Variants in AP1AR observed in about 807,000 individuals in gnomAD.
AP1AR encodes AP-1 complex-associated regulatory protein.
AP1AR carries 29 observed loss-of-function variants against 46.3 expected under a neutral mutation model. The ratio of observed to expected loss-of-function variants is 0.63; its 90% confidence interval spans 0.47 to 0.85. AP1AR has a LOEUF of 0.85. Among genes scored for constraint, AP1AR ranks in the 40% least tolerant of loss-of-function variants. AP1AR has a pLI of 0.00. For missense variants in AP1AR, 357 were observed against 356.3 expected, an observed-to-expected ratio of 1.00 and a Z score of -0.02; for synonymous variants, 122 against 122.9, an observed-to-expected ratio of 0.99 and a Z score of 0.05.
At chr4:112,253,164 A>G (rs758538448) in intron 1 of AP1AR, 44 bp from the exon 2 acceptor site, 1 of 1,449,106 alleles carries the variant, frequency 6.9e-7, no homozygotes, top group South Asian at 1.2e-5. Flanking sequence ...ATTCAATCTT[A>G]GAGTTAATTG....
chr4:112,267,787 G>A (rs752923383), intron 9 of AP1AR, among the ~76,000 whole-genome samples: 2 of 151,966 alleles, frequency 1.3e-5, no homozygotes. Context: ...ATGAAATTAT[G>A]TGGGTAGGAA....
At chr4:112,265,101 T>C (rs1726621501) in intron 7 of AP1AR, 34 bp downstream of exon 7, 1 of 1,539,058 alleles carries the variant, frequency 6.5e-7, no homozygotes, top group East Asian at 2.3e-5. Flanking sequence ...CTTCCCTTTG[T>C]GGTAGAACAT....
At chr4:112,255,632 A>G (rs1305214332) in intron 3 of AP1AR, among the ~76,000 whole-genome samples, 1 of 152,166 alleles carries the variant, frequency 6.6e-6, no homozygotes, top group African/African-American at 2.4e-5. Flanking sequence ...TGTTTATTCT[A>G]CAGTTTCTGA....
At chr4:112,259,451 T>C (rs1430238341) in intron 4 of AP1AR, among the ~76,000 whole-genome samples, 2 of 152,190 alleles carry the variant, frequency 1.3e-5, no homozygotes, top group African/African-American at 4.8e-5. Flanking sequence ...CTTAGAGGGT[T>C]GTTGTGAGGA....
chr4:112,260,076 A>G (rs929897256), intron 4 of AP1AR, among the ~76,000 whole-genome samples: 2 of 152,208 alleles, frequency 1.3e-5, no homozygotes, highest in African/African-American at 4.8e-5. Flanking sequence ...CCGAGTGCCA[A>G]ATTGATGTCA....
chr4:112,236,260 C>T (rs1312198636), intron 1 of AP1AR, among the ~76,000 whole-genome samples: 1 of 152,000 alleles, frequency 6.6e-6, no homozygotes, highest in Non-Finnish European at 1.5e-5. Context: ...AGACTACTCT[C>T]TCTATTGTAG....
intron 3 of AP1AR, among the ~76,000 whole-genome samples, chr4:112,255,816 G>A (rs1390082568): frequency 6.6e-6 from 1 of 152,162 alleles, no homozygotes; most frequent in African/African-American, 2.4e-5. Flanking sequence ...TAGTCAAAAG[G>A]CTAAGAAGCA....
chr4:112,268,564 A>C lies in AP1AR; in HGVS notation c.*155A>C. ...ATTACAAAGGAGTAGGGATGATAGG[A>C]TCTGAATTGATACAGAATTAAGTGC... On this transcript the variant is annotated 3_prime_UTR_variant, in exon 10 of 10. Coordinates refer to ENST00000274000, the MANE Select transcript of AP1AR (RefSeq NM_018569.6). 1.5e-6 allele frequency: 1 copy of C among 675,538 alleles called. No homozygotes were observed. Among genetic ancestry groups the C allele is most frequent in the Non-Finnish European group, 2.2e-6 (1 of 448,382 alleles). The allele number at this position is 675,538 out of a possible 1,614,324, so 41.8% of individuals were successfully genotyped here. A position where few individuals can be genotyped will look rare whatever the true frequency, so the allele number is the denominator to read the frequency against.
intron 4 of AP1AR, among the ~76,000 whole-genome samples, chr4:112,258,072 G>A (rs1726282813): frequency 1.3e-5 from 2 of 152,030 alleles, no homozygotes; most frequent in Admixed American, 1.3e-4. Flanking sequence ...ATACTGATAA[G>A]TACGTTTCTT....
intron 7 of AP1AR, chr4:112,265,381 CTTA>C (rs1445921870): frequency 2.9e-6 from 1 of 346,578 alleles, no homozygotes; most frequent in East Asian, 5.4e-5. Flanking sequence ...CCCTCTCTTT[CTTA>C]TAATAAAGTT....
At chr4:112,264,472 G>A (rs1403468147) in intron 6 of AP1AR, among the ~76,000 whole-genome samples, 2 of 152,142 alleles carry the variant, frequency 1.3e-5, no homozygotes, top group Non-Finnish European at 2.9e-5. Context: ...TAATTTATAG[G>A]TGAAGGAACA....
Position 112,246,757 on chromosome 4 carries a change from A to C in AP1AR, c.84-6451A>C, listed in dbSNP as rs574863346. On this transcript the variant is annotated intron_variant, in intron 1 of 9. Transcript: ENST00000274000. ...TTGTAGATTCAGAACAAAGAAAGTT[A>C]ATTATACAATTCAAATAACCCATCA... is the stretch of plus-strand genomic sequence containing the variant. Among the ~76,000 whole-genome samples, 3 of 152,312 alleles carry C rather than the reference A, an allele frequency of 2.0e-5. No individual in the cohort carries two copies. In the South Asian group the frequency reaches 6.2e-4, roughly 32 times the overall value.
At chr4:112,260,692 G>A (rs2110488212) in intron 4 of AP1AR, 74 bp from the exon 5 acceptor site, 1 of 905,620 alleles carries the variant, frequency 1.1e-6, no homozygotes, top group Middle Eastern at 2.4e-4. Context: ...CTGGCTTTTT[G>A]AGTGTTTTAT....
intron 1 of AP1AR, among the ~76,000 whole-genome samples, chr4:112,248,049 A>G (rs1442601193): frequency 3.3e-5 from 5 of 152,236 alleles, no homozygotes; most frequent in Non-Finnish European, 7.3e-5. Context: ...AAAAAATTAA[A>G]CTCAATATAA....
Position 112,270,677 on chromosome 4 carries a change from TTGTTA to T in AP1AR, c.*2273_*2277del, listed in dbSNP as rs1726912531. Among the ~76,000 whole-genome samples, 1 of 152,000 alleles carries T rather than the reference TTGTTA, an allele frequency of 6.6e-6. No homozygotes were observed. The highest frequency in any genetic ancestry group is 2.4e-5 in the African/African-American group (1 of 41,372). On this transcript the variant is annotated 3_prime_UTR_variant, in exon 10 of 10. Transcript: ENST00000274000. ...CAAAGTACCTGAGGTGGGAAAGAGT[TTGTTA>T]TGTTCTGTGAATAAAAAGACCACTG...
intron 1 of AP1AR, among the ~76,000 whole-genome samples, chr4:112,237,131 G>A (rs527398579): frequency 4.6e-5 from 7 of 152,182 alleles, no homozygotes; most frequent in East Asian, 1.9e-4. Context: ...TCCCCAAGAC[G>A]GAATCTTGCC....
At chr4:112,251,951 T>C (rs1473861501) in intron 1 of AP1AR, among the ~76,000 whole-genome samples, 1 of 152,192 alleles carries the variant, frequency 6.6e-6, no homozygotes, top group Non-Finnish European at 1.5e-5. Context: ...TATGGCATTC[T>C]CTTTCACTAA....
At chr4:112,255,405 A>G (rs1239157792) in intron 3 of AP1AR, among the ~76,000 whole-genome samples, 2 of 152,194 alleles carry the variant, frequency 1.3e-5, no homozygotes, top group African/African-American at 2.4e-5. Flanking sequence ...CTAACAATCC[A>G]GAGTAGACCC....
In AP1AR at chr4:112,266,534, GT is replaced by G. The variant is rs1366793710; in HGVS notation, c.515-52del. The stretch of plus-strand genomic sequence containing the variant: ...ATAATTGTTACAAAATAAAACGGCT[GT>G]TGCGGTGGAAGAGTAGATGAGAGTA... On this transcript the variant is annotated intron_variant, in intron 8 of 9. Coordinates refer to ENST00000274000, the MANE Select transcript of AP1AR (RefSeq NM_018569.6). The G allele has an allele frequency of 1.9e-6, 3 of 1,549,226 alleles. No individual in the cohort carries two copies. In the African/African-American group the frequency reaches 4.2e-5, roughly 22 times the overall value.
Sources: gnomAD v4.1 joint callset for allele counts (sites outside exome capture counted in the v4.1 genomes callset) on GRCh38, gnomAD v4.1.1 for gene constraint, MANE v1.5 for transcripts, NCBI Gene and HGNC (gene_info 2026-07-23, HGNC 2026-07-21) for gene names.